Variants in CYRIB observed in about 807,000 individuals in gnomAD.
CYRIB encodes the protein CYFIP related Rac1 interactor B.
In CYRIB, 8 loss-of-function variants were observed where a neutral mutation model predicts 44.2. The observed-to-expected ratio is 0.18, with a 90% CI of 0.11 to 0.33. The LOEUF (loss-of-function observed/expected upper bound fraction) is 0.33, where lower values mean the gene tolerates loss of function less well. CYRIB is among the 10% of genes least tolerant of loss of function. The probability of loss-of-function intolerance (pLI) is 1.00; values close to 1 mark genes in which losing one functional copy is unlikely to be tolerated. For missense variants in CYRIB, 185 were observed against 382.8 expected (o/e 0.48, Z 4.31); for synonymous variants, 131 against 127.2 (o/e 1.03, Z -0.20).
chr8:129,925,128 T>C (rs988078959), intron 1 of CYRIB, among the ~76,000 whole-genome samples: 1 of 152,168 alleles, frequency 6.6e-6, no homozygotes, highest in Non-Finnish European at 1.5e-5. Flanking sequence ...CCGGGAGCGA[T>C]GGCTCATAGC....
At chr8:129,886,079 C>T (rs560781934) in intron 2 of CYRIB, among the ~76,000 whole-genome samples, 1 of 152,140 alleles carries the variant, frequency 6.6e-6, no homozygotes, top group Non-Finnish European at 1.5e-5. Context: ...CTTCATGTGC[C>T]CTCTACTACA....
At chr8:129,983,210 C>A (rs906743502) in intron 1 of CYRIB, among the ~76,000 whole-genome samples, 2 of 152,048 alleles carry the variant, frequency 1.3e-5, no homozygotes, top group African/African-American at 2.4e-5. Flanking sequence ...CTTTGGGAGG[C>A]CGAGGCGGGC....
chr8:129,841,944 C>T, exon 12 of CYRIB: 1 of 539,182 alleles, frequency 1.9e-6, no homozygotes, highest in Non-Finnish European at 3.3e-6. Flanking sequence ...AGGATGATAT[C>T]CCTTCAGAGT....
At chr8:129,870,987 T>C (rs2056933893) in intron 4 of CYRIB, among the ~76,000 whole-genome samples, 1 of 151,998 alleles carries the variant, frequency 6.6e-6, no homozygotes, top group Non-Finnish European at 1.5e-5. Context: ...CCTGAAAAAG[T>C]TCAGCAGTTT....
intron 1 of CYRIB, among the ~76,000 whole-genome samples, chr8:129,932,594 T>C (rs2091843676): frequency 6.6e-6 from 1 of 152,180 alleles, no homozygotes; most frequent in Admixed American, 6.5e-5. Flanking sequence ...TAGAGAATAA[T>C]AATCTGCCCT....
intron 5 of CYRIB, among the ~76,000 whole-genome samples, chr8:129,860,623 C>T (rs1425990111): frequency 6.6e-6 from 1 of 152,104 alleles, no homozygotes; most frequent in Non-Finnish European, 1.5e-5. Flanking sequence ...AAAACAGCAA[C>T]TGTCTTACTT....
At chr8:129,962,471 A>AAAAAT (rs1443420254) in intron 2 of CYRIB, among the ~76,000 whole-genome samples, 1 of 152,122 alleles carries the variant, frequency 6.6e-6, no homozygotes, top group Non-Finnish European at 1.5e-5. Context: ...AAATTAAAAT[A>AAAAAT]AAAATAAACG....
intron 1 of CYRIB, among the ~76,000 whole-genome samples, chr8:129,984,312 A>G (rs2096368738): frequency 6.6e-6 from 1 of 152,082 alleles, no homozygotes; most frequent in African/African-American, 2.4e-5. Flanking sequence ...GGACCTCCCC[A>G]TCCAGTGTCT....
At chr8:129,995,639 C>A (rs998362774) in intron 1 of CYRIB, among the ~76,000 whole-genome samples, 1 of 152,196 alleles carries the variant, frequency 6.6e-6, no homozygotes, top group Non-Finnish European at 1.5e-5. Context: ...CTGGGGATGG[C>A]AACTGTCATG....
Position 130,006,673 on chromosome 8 carries a change from T to TATATATATACATATATAC in CYRIB, c.-296+9696_-296+9697insGTATATATGTATATATAT, listed in dbSNP as rs1564802318. ...ATACATATATATATGTATATATATA[T>TATATATATACATATATAC]GTATATATATACACACATATATCTG... On this transcript the variant is annotated intron_variant, in intron 1 of 14. Coordinates refer to the CYRIB transcript ENST00000401979. Among the ~76,000 whole-genome samples, 55 of 36,444 alleles carry TATATATATACATATATAC rather than the reference T, an allele frequency of 1.5e-3. 2 individuals are homozygous for TATATATATACATATATAC. Among genetic ancestry groups the TATATATATACATATATAC allele is most frequent in the Non-Finnish European group, 3.1e-3 (48 of 15,248 alleles). The allele number at this position is 36,444 out of a possible 152,430, so 23.9% of individuals were successfully genotyped here.
At chr8:129,963,395 T>A (rs1211400526) in intron 2 of CYRIB, among the ~76,000 whole-genome samples, 1 of 152,222 alleles carries the variant, frequency 6.6e-6, no homozygotes, top group Admixed American at 6.5e-5. Context: ...TATACACAGA[T>A]GAAGCAAGGT....
intron 1 of CYRIB, among the ~76,000 whole-genome samples, chr8:130,007,759 G>C (rs1158651451): frequency 6.6e-6 from 1 of 151,856 alleles, no homozygotes; most frequent in Non-Finnish European, 1.5e-5. Context: ...ACTCCAGCCT[G>C]GGCAACAAGA....
intron 2 of CYRIB, among the ~76,000 whole-genome samples, chr8:129,968,914 A>G (rs796832162): frequency 7.3e-5 from 11 of 151,410 alleles, no homozygotes; most frequent in African/African-American, 2.7e-4. Context: ...CCACCGTGCC[A>G]TTAAAACTTT....
intron 1 of CYRIB, among the ~76,000 whole-genome samples, chr8:130,006,026 G>C (rs1488155661): frequency 6.6e-6 from 1 of 152,078 alleles, no homozygotes; most frequent in Admixed American, 6.6e-5. Context: ...CTCCAGGCTG[G>C]GCGCGGTAGC....
At chr8:130,002,888 G>A (rs771938152) in intron 1 of CYRIB, among the ~76,000 whole-genome samples, 4 of 152,150 alleles carry the variant, frequency 2.6e-5, no homozygotes, top group Non-Finnish European at 4.4e-5. Flanking sequence ...GCTTGAGCTC[G>A]AATTTGAGAC....
chr8:129,968,619 G>A (rs1425025790), intron 2 of CYRIB, among the ~76,000 whole-genome samples: 12 of 152,296 alleles, frequency 7.9e-5, no homozygotes, highest in African/African-American at 1.2e-4. Context: ...ATGACTTTGC[G>A]TTCGCAGTAG....
chr8:129,931,426 T>C (rs2091312291), intron 1 of CYRIB, among the ~76,000 whole-genome samples: 3 of 152,342 alleles, frequency 2.0e-5, no homozygotes, highest in East Asian at 3.9e-4. Context: ...CTTAAAACCC[T>C]GTAATCTCTT....
Position 129,851,114 on chromosome 8 carries a change from G to A in CYRIB, c.634-200C>T, listed in dbSNP as rs189994228. The stretch of plus-strand genomic sequence containing the variant: ...GCTATGAGCAAGACAGCGAAGGCAG[G>A]ACTCTTCTGAAAGGCACCTGCATTC... On this transcript the variant is annotated intron_variant, in intron 8 of 11. Coordinates refer to ENST00000519824, the Ensembl canonical transcript of CYRIB. The A allele has an allele frequency of 2.1e-4, 113 of 542,902 alleles. 1 individual carries two copies. The highest frequency in any genetic ancestry group is 1.9e-3 in the African/African-American group (101 of 52,006). 33.6% of individuals were successfully genotyped at this position (542,902 alleles called of 1,614,324 possible). A position where few individuals can be genotyped will look rare whatever the true frequency, so the allele number is the denominator to read the frequency against.
chr8:129,929,236 G>A (rs137965222), intron 1 of CYRIB, among the ~76,000 whole-genome samples: 17 of 152,090 alleles, frequency 1.1e-4, no homozygotes, highest in South Asian at 4.2e-4. Context: ...AAAAGTGAGA[G>A]AGTGAGGGAG....
Sources: gnomAD v4.1 joint callset for allele counts (sites outside exome capture counted in the v4.1 genomes callset) on GRCh38, gnomAD v4.1.1 for gene constraint, MANE v1.5 for transcripts, NCBI Gene and HGNC (gene_info 2026-07-23, HGNC 2026-07-21) for gene names.